RNF169: variants seen among roughly 807,000 people sequenced by gnomAD.
RNF169 encodes the protein ring finger protein 169, also known as E3 ubiquitin-protein ligase RNF169.
Under a neutral mutation model 53.9 loss-of-function variants are expected in RNF169, and 24 were observed. The ratio of observed to expected loss-of-function variants is 0.45; its 90% CI spans 0.32 to 0.63. RNF169 has a LOEUF of 0.63. RNF169 is among the 20% of genes least tolerant of loss of function. RNF169 has a pLI of 0.04. For missense variants in RNF169, 883 were observed against 906.2 expected, an observed-to-expected ratio of 0.97 and a Z score of 0.33; for synonymous variants, 396 against 363.5, an observed-to-expected ratio of 1.09 and a Z score of -1.02.
chr11:74,767,056 G>T (rs1045388457), intron 1 of RNF169, among the ~76,000 whole-genome samples: 10 of 152,028 alleles, frequency 6.6e-5, no homozygotes, highest in African/African-American at 2.4e-4. Context: ...GCCCAGGCTG[G>T]TCTTAACTTC....
intron 1 of RNF169, among the ~76,000 whole-genome samples, chr11:74,779,671 CA>C (rs896205327): frequency 1.3e-5 from 2 of 151,432 alleles, no homozygotes; most frequent in South Asian, 2.1e-4. Context: ...ATTTTCTTCT[CA>C]AAAAAAAGTT....
At chr11:74,752,680 C>A (rs1365328687) in intron 1 of RNF169, among the ~76,000 whole-genome samples, 2 of 150,816 alleles carry the variant, frequency 1.3e-5, no homozygotes, top group African/African-American at 4.9e-5. Context: ...TTATTTTTTG[C>A]CATTTTTATA....
intron 1 of RNF169, among the ~76,000 whole-genome samples, chr11:74,784,493 A>G (rs1305662294): frequency 2.0e-5 from 3 of 152,198 alleles, no homozygotes; most frequent in Admixed American, 6.5e-5. Context: ...GTCTGGGGAA[A>G]ACCCATCACA....
At chr11:74,833,764 G>A (rs191134707) in intron 4 of RNF169, among the ~76,000 whole-genome samples, 3 of 152,272 alleles carry the variant, frequency 2.0e-5, no homozygotes, top group East Asian at 1.9e-4. Context: ...AAACAAAGGC[G>A]AGTGAGAAAT....
At chr11:74,763,992 G>C (rs115331880) in intron 1 of RNF169, among the ~76,000 whole-genome samples, 3,231 of 152,256 alleles carry the variant, frequency 0.021, 111 homozygotes, top group African/African-American at 0.074. Context: ...CATTACAAGC[G>C]TGAGCCACTG....
intron 2 of RNF169, among the ~76,000 whole-genome samples, chr11:74,797,948 AAACATAAGTTTCGAAGATTTC>A (rs779679655): frequency 2.0e-5 from 3 of 152,210 alleles, no homozygotes; most frequent in Non-Finnish European, 4.4e-5. Flanking sequence ...TGCAATCTCT[AAACATAAGTTTCGAAGATTTC>A]ATGGACACTT....
chr11:74,813,220 T>G (rs1309791015), intron 3 of RNF169, among the ~76,000 whole-genome samples: 1 of 152,222 alleles, frequency 6.6e-6, no homozygotes, highest in Non-Finnish European at 1.5e-5. Context: ...CTCTACTAGA[T>G]TGTAAGTTTG....
chr11:74,836,145 G>A lies in RNF169; in HGVS notation c.1542G>A (p.Gln514=), dbSNP rs759239410. 2 of 1,614,138 alleles carry A rather than the reference G, an allele frequency of 1.2e-6. No homozygotes were observed. Among genetic ancestry groups the A allele is most frequent in the South Asian group, 2.2e-5 (2 of 91,072 alleles). ...CTGTTAGCCAAACAAAAGCAGAACA[G>A]GACAGTGATAATAAAAGTAGCACTG... ...FPSVSQTKAE[Q]DSDNKSSTEI... Residue 514 remains glutamine (Q), a synonymous_variant, in exon 6 of 6, where the codon CAG becomes CAA. Coordinates refer to ENST00000299563, the MANE Select transcript of RNF169 (RefSeq NM_001098638.2).
chr11:74,790,088 TTAAATACTCCAA>T (rs1047201540), intron 2 of RNF169, among the ~76,000 whole-genome samples: 3 of 152,226 alleles, frequency 2.0e-5, no homozygotes, highest in Non-Finnish European at 2.9e-5. Context: ...GCTCACTCCA[TTAAATACTCCAA>T]AAGAACTGTC....
rs184530047 is a variant in RNF169 at position 74,836,694 on chromosome 11, T to C, written c.2091T>C (p.Tyr697=). ...GGCGAAAAGGAAGTGTGGATCAGTA[T>C]CTCCTACGGTCCAGCAACATGGCCG... ...VSRRKGSVDQ[Y]LLRSSNMAGA... The change falls in exon 6 of 6, where the codon TAT becomes TAC. Residue 697 remains tyrosine (Y), a synonymous_variant. Transcript: ENST00000299563. The C allele has an allele frequency of 4.2e-5, 68 of 1,612,310 alleles. No individual in the cohort carries two copies. The African/African-American group carries it at 8.1e-4, about 19-fold the overall frequency.
intron 1 of RNF169, among the ~76,000 whole-genome samples, chr11:74,759,054 T>C (rs1276014316): frequency 6.7e-6 from 1 of 149,712 alleles, no homozygotes; most frequent in Non-Finnish European, 1.5e-5. Flanking sequence ...CCTAGATATT[T>C]TATTCTCTTT....
intron 3 of RNF169, among the ~76,000 whole-genome samples, chr11:74,814,953 A>G (rs917422440): frequency 2.0e-5 from 3 of 152,132 alleles, no homozygotes; most frequent in African/African-American, 7.2e-5. Flanking sequence ...TATATTTATT[A>G]TAGGTTTATT....
intron 4 of RNF169, among the ~76,000 whole-genome samples, chr11:74,833,959 T>C (rs1421776235): frequency 2.6e-5 from 4 of 152,134 alleles, no homozygotes; most frequent in African/African-American, 9.7e-5. Flanking sequence ...GACCTAAACT[T>C]AAGAGTCAAA....
chr11:74,824,451 A>T (rs2036063373), intron 4 of RNF169, among the ~76,000 whole-genome samples: 1 of 152,232 alleles, frequency 6.6e-6, no homozygotes, highest in Non-Finnish European at 1.5e-5. Context: ...AGAATATTTG[A>T]AGTAATAATG....
rs1228038022 is a variant in RNF169, at chr11:74,836,019, C to G, written c.1416C>G (p.Ser472Arg). ...TAGGCTCTGAAGGTATCCATTCTAG[C>G]AAGGAGAAGCCACTTGTGGCTGTAA... ...ELLGSEGIHSSKEKPLVAVNT... is the reference protein window; with the variant it reads ...ELLGSEGIHSRKEKPLVAVNT... Residue 472 changes from serine (S) to arginine (R), a missense_variant, in exon 6 of 6, where the codon AGC (serine) becomes AGG (arginine). This residue lies in a region of RNF169 where 351 missense variants were observed against 337.3 expected (regional missense o/e 1.04). Transcript: ENST00000299563. 2 of 1,614,054 alleles carry G rather than the reference C, an allele frequency of 1.2e-6. No individual in the cohort carries two copies. The highest frequency in any genetic ancestry group is 2.7e-5 in the African/African-American group (2 of 74,934).
intron 2 of RNF169, among the ~76,000 whole-genome samples, chr11:74,792,000 T>G (rs1368781900): frequency 2.6e-5 from 4 of 152,352 alleles, no homozygotes; most frequent in Middle Eastern, 6.8e-3. Flanking sequence ...TTTCACTGAA[T>G]GAAAAATCAG....
chr11:74,827,255 C>G (rs2036112671), intron 4 of RNF169, among the ~76,000 whole-genome samples: 1 of 152,184 alleles, frequency 6.6e-6, no homozygotes, highest in Admixed American at 6.5e-5. Context: ...GAAACAATGG[C>G]CTGATCTGTA....
chr11:74,806,421 G>A (rs78448702), intron 2 of RNF169, among the ~76,000 whole-genome samples: 5,759 of 152,238 alleles, frequency 0.038, 179 homozygotes, highest in Non-Finnish European at 0.053. Context: ...GAAAACTGTG[G>A]CTGCGTACCT....
intron 1 of RNF169, among the ~76,000 whole-genome samples, chr11:74,750,512 G>T (rs562817122): frequency 1.0e-4 from 15 of 150,180 alleles, no homozygotes; most frequent in Non-Finnish European, 1.9e-4. Flanking sequence ...ACTGTCCTAG[G>T]ATATTGGGCT....
Sources: gnomAD v4.1 joint callset for allele counts (sites outside exome capture counted in the v4.1 genomes callset) on GRCh38, gnomAD v4.1.1 for gene constraint, gnomAD v4.1.1 regional missense constraint, MANE v1.5 for transcripts, NCBI Gene and HGNC (gene_info 2026-07-23, HGNC 2026-07-21) for gene names.